The following SERBP1 variants were observed in gnomAD, a reference collection of about 807,000 sequenced individuals.
SERBP1 encodes the protein SERPINE1 mRNA binding protein 1, also known as SERPINE1 mRNA-binding protein 1.
A neutral mutation model predicts 50.2 loss-of-function variants in SERBP1; 6 were observed. That is an observed-to-expected ratio of 0.12 (90% CI 0.07 to 0.24). The LOEUF is 0.24. Ranked by LOEUF, SERBP1 falls within the 10% of genes least tolerant of loss-of-function variation. The probability of loss-of-function intolerance (pLI) is 1.00; values close to 1 mark genes in which losing one functional copy is unlikely to be tolerated. For missense variants in SERBP1, 346 were observed against 524.9 expected (o/e 0.66, Z 3.33); for synonymous variants, 168 against 182.8 (o/e 0.92, Z 0.65).
rs948002023 is a variant in SERBP1, at chr1:67,412,344, G to A, written c.*863C>T. The A allele has an allele frequency of 2.0e-5, 3 of 152,466 alleles. No individual in the cohort carries two copies. The highest frequency in any genetic ancestry group is 4.4e-5 in the Non-Finnish European group (3 of 68,034). The allele number at this position is 152,466 out of a possible 1,614,324, so 9.4% of individuals were successfully genotyped here. A position where few individuals can be genotyped will look rare whatever the true frequency, so the allele number is the denominator to read the frequency against. ...TTCCACCCACCCTGGTGAAGGGGGA[G>A]AAAAAACCCATACCTATAAAACTAC... is the stretch of plus-strand genomic sequence containing the variant. On this transcript the variant is annotated 3_prime_UTR_variant, in exon 8 of 8. Coordinates refer to ENST00000361219, the MANE Select transcript of SERBP1 (RefSeq NM_001018069.2).
At chr1:67,429,693 TC>T (rs1667505438) in intron 1 of SERBP1, 1 of 307,506 alleles carries the variant, frequency 3.3e-6, no homozygotes, top group Non-Finnish European at 6.0e-6. Flanking sequence ...GGCAACAGCC[TC>T]CCAGGACCTC....
intron 6 of SERBP1, among the ~76,000 whole-genome samples, chr1:67,418,574 C>T (rs575414212): frequency 2.3e-4 from 35 of 152,096 alleles, no homozygotes; most frequent in Admixed American, 3.9e-4. Context: ...GCCTGGCCAA[C>T]ATGATGAAAC....
In SERBP1 at chr1:67,429,946, T is replaced by A. The variant is rs765224781; in HGVS notation, c.313+42A>T. 15 of 1,531,958 alleles carry A rather than the reference T, an allele frequency of 9.8e-6. No individual in the cohort carries two copies. In the Admixed American group the frequency reaches 2.3e-4, roughly 23 times the overall value. 94.9% of individuals were successfully genotyped at this position (1,531,958 alleles called of 1,614,324 possible). A position where few individuals can be genotyped will look rare whatever the true frequency, so the allele number is the denominator to read the frequency against. On this transcript the variant is annotated intron_variant, in intron 1 of 7. Coordinates refer to ENST00000361219, the MANE Select transcript of SERBP1 (RefSeq NM_001018069.2). Reference sequence around the variant, plus strand: ...GGCAGCCGGCAGCCCCCTCGCTCCTTCCCTCCATCCCAGTCTCCCCCACAT... The same window carrying A: ...GGCAGCCGGCAGCCCCCTCGCTCCTACCCTCCATCCCAGTCTCCCCCACAT...
At chr1:67,419,519 A>G (rs1667136711) in intron 6 of SERBP1, among the ~76,000 whole-genome samples, 1 of 152,214 alleles carries the variant, frequency 6.6e-6, no homozygotes, top group African/African-American at 2.4e-5. Context: ...CAAAATGCAC[A>G]TTGCCATTTA....
intron 1 of SERBP1, among the ~76,000 whole-genome samples, chr1:67,426,624 C>T (rs764079050): frequency 5.9e-5 from 9 of 152,178 alleles, no homozygotes; most frequent in Non-Finnish European, 1.3e-4. Flanking sequence ...ATTCCCGTCA[C>T]TTTCCAAGAT....
intron 1 of SERBP1, among the ~76,000 whole-genome samples, chr1:67,429,281 C>T (rs1667486730): frequency 6.6e-6 from 1 of 152,194 alleles, no homozygotes; most frequent in Admixed American, 6.5e-5. Flanking sequence ...GTCCTGCAAT[C>T]ACCAGTCTTC....
At chr1:67,416,622 A>G (rs779992527) in intron 6 of SERBP1, among the ~76,000 whole-genome samples, 1 of 152,128 alleles carries the variant, frequency 6.6e-6, no homozygotes, top group Non-Finnish European at 1.5e-5. Context: ...ATTCCATTAG[A>G]CTCAACTTAA....
chr1:67,428,247 A>G (rs1183657299), intron 1 of SERBP1, among the ~76,000 whole-genome samples: 1 of 152,252 alleles, frequency 6.6e-6, no homozygotes, highest in Admixed American at 6.5e-5. Flanking sequence ...TTTCCCATGG[A>G]AAGACTCATT....
At position 67,430,358 on chromosome 1, in the gene SERBP1, A is replaced by AGCGCCTGCTT; in HGVS notation, c.-68_-59dup. 6.8e-7 allele frequency: 1 copy of AGCGCCTGCTT among 1,477,800 alleles called. No homozygotes were observed. The highest frequency in any genetic ancestry group is 9.0e-7 in the Non-Finnish European group (1 of 1,108,700). 91.5% of individuals were successfully genotyped at this position (1,477,800 alleles called of 1,614,324 possible). The stretch of plus-strand genomic sequence containing the variant: ...TTGCAGCGGGCCGCGCCGAGCCAAG[A>AGCGCCTGCTT]GCGCCTGCTTCAGCTCTTCCCACAA... On this transcript the variant is annotated 5_prime_UTR_variant, in exon 1 of 8. Coordinates refer to ENST00000361219, the MANE Select transcript of SERBP1 (RefSeq NM_001018069.2).
At position 67,412,991 on chromosome 1, in the gene SERBP1, T is replaced by C. The variant is rs1158680588; in HGVS notation, c.*216A>G. On this transcript the variant is annotated 3_prime_UTR_variant, in exon 8 of 8. Transcript: ENST00000361219. ...ATTATGAAAACATCCCTGCTACCAATACATTTCTAAATACAAAACTGACTA... is the reference window on the plus strand; with the variant it reads ...ATTATGAAAACATCCCTGCTACCAACACATTTCTAAATACAAAACTGACTA... 2 of 577,966 alleles carry C rather than the reference T, an allele frequency of 3.5e-6. No individual in the cohort carries two copies. The highest frequency in any genetic ancestry group is 2.7e-5 in the South Asian group (1 of 36,826). 35.8% of individuals were successfully genotyped at this position (577,966 alleles called of 1,614,324 possible). A position where few individuals can be genotyped will look rare whatever the true frequency, so the allele number is the denominator to read the frequency against.
chr1:67,429,979 C>A lies in SERBP1; in HGVS notation c.313+9G>T. 2 of 1,594,814 alleles carry A rather than the reference C, an allele frequency of 1.3e-6. No individual in the cohort carries two copies. Among genetic ancestry groups the A allele is most frequent in the Non-Finnish European group, 1.7e-6 (2 of 1,170,608 alleles). ...TCCCAGTCTCCCCCACATTCTGCCC[C>A]TGCTTTACCTTCTTTCTTAAGCGCC... On this transcript the variant is annotated intron_variant, in intron 1 of 7. Transcript: ENST00000361219.
intron 5 of SERBP1, chr1:67,420,412 A>G (rs1322464218): frequency 3.9e-5 from 17 of 439,320 alleles, no homozygotes; most frequent in Non-Finnish European, 5.6e-5. Flanking sequence ...ATTCATACTT[A>G]TGAACTCTTA....
At chr1:67,420,252 T>G (rs1382609817) in intron 5 of SERBP1, 66 bp from the exon 6 acceptor site, 3 of 1,261,838 alleles carry the variant, frequency 2.4e-6, no homozygotes, top group African/African-American at 1.5e-5. Flanking sequence ...TATTTTAAAT[T>G]TATGATTTTA....
rs1291225098 is a variant in SERBP1, at chr1:67,413,349, T to C, written c.1126-86A>G. Reference sequence around the variant, plus strand: ...TAGTGTCTACATTAAGACAGAACTCTAAAAAAATCTTACTGTTGGCCAGGC... The same window carrying C: ...TAGTGTCTACATTAAGACAGAACTCCAAAAAAATCTTACTGTTGGCCAGGC... On this transcript the variant is annotated intron_variant, in intron 7 of 7. Coordinates refer to ENST00000361219, the MANE Select transcript of SERBP1 (RefSeq NM_001018069.2). The C allele has an allele frequency of 3.2e-6, 4 of 1,253,284 alleles. No homozygotes were observed. The East Asian group carries it at 1.2e-4, about 36-fold the overall frequency. The allele number at this position is 1,253,284 out of a possible 1,614,324, so 77.6% of individuals were successfully genotyped here.
chr1:67,421,746 G>A (rs1667204236), intron 5 of SERBP1, among the ~76,000 whole-genome samples: 1 of 152,012 alleles, frequency 6.6e-6, no homozygotes, highest in Admixed American at 6.6e-5. Flanking sequence ...TTGAGGCCAG[G>A]AGTTCAAGAC....
Position 67,430,079 on chromosome 1 carries a change from G to C in SERBP1, c.222C>G (p.Ser74=). Residue 74 remains serine (S), a synonymous_variant, in exon 1 of 8, where the codon TCC becomes TCG. Transcript: ENST00000361219. ...NAAGKQLRKE[S]QKDRKNPLPP... is the part of the protein sequence containing the mutation. ...GCAGCGGGTTCTTGCGGTCTTTCTG[G>C]GACTCCTTGCGCAGCTGTTTGCCTG... 6.2e-7 allele frequency: 1 copy of C among 1,613,398 alleles called. No individual in the cohort carries two copies. The highest frequency in any genetic ancestry group is 8.5e-7 in the Non-Finnish European group (1 of 1,179,846).
intron 6 of SERBP1, chr1:67,419,723 T>G (rs1314195619): frequency 3.1e-6 from 1 of 318,414 alleles, no homozygotes; most frequent in Non-Finnish European, 5.7e-6. Context: ...TGAAAAGAAC[T>G]ATCATATTTC....
intron 5 of SERBP1, among the ~76,000 whole-genome samples, chr1:67,422,472 T>C (rs1189292683): frequency 6.7e-6 from 1 of 149,836 alleles, no homozygotes; most frequent in Non-Finnish European, 1.5e-5. Context: ...ATCACGCCAT[T>C]GCACTCCAGC....
chr1:67,429,118 A>G (rs1021829417), intron 1 of SERBP1, among the ~76,000 whole-genome samples: 1 of 152,140 alleles, frequency 6.6e-6, no homozygotes, highest in Admixed American at 6.5e-5. Flanking sequence ...GTGGTGGAAA[A>G]AAAAAACTGC....
Sources: allele counts gnomAD v4.1 joint callset (sites outside exome capture counted in the v4.1 genomes callset), GRCh38; gene constraint gnomAD v4.1.1; transcripts MANE v1.5; gene names NCBI Gene and HGNC (gene_info 2026-07-23, HGNC 2026-07-21).